Variants in PARD3 observed in about 807,000 individuals in gnomAD.
PARD3 encodes the protein par-3 family cell polarity regulator, also known as partitioning defective 3 homolog.
A neutral mutation model predicts 155.4 loss-of-function variants in PARD3; 75 were observed. That is an observed-to-expected ratio of 0.48 (90% CI 0.40 to 0.58). The LOEUF (loss-of-function observed/expected upper bound fraction) is 0.58, where lower values mean the gene tolerates loss of function less well. Ranked by LOEUF, PARD3 falls within the 20% of genes least tolerant of loss-of-function variation. PARD3 has a pLI of 0.00. For missense variants in PARD3, 1,642 were observed against 1,721.7 expected (o/e 0.95, Z 0.82); for synonymous variants, 576 against 610.5 (o/e 0.94, Z 0.83).
intron 3 of PARD3, among the ~76,000 whole-genome samples, chr10:34,480,189 C>A (rs769302577): frequency 6.6e-6 from 1 of 152,202 alleles, no homozygotes; most frequent in Admixed American, 6.5e-5. Context: ...CCAGCTCAGA[C>A]GTACTAGTAA....
At chr10:34,736,296 C>T (rs2094912681) in intron 1 of PARD3, among the ~76,000 whole-genome samples, 1 of 149,034 alleles carries the variant, frequency 6.7e-6, no homozygotes, top group South Asian at 2.2e-4. Flanking sequence ...TCCCAAAGTG[C>T]TGGGATTATA....
rs185047142 is a variant in PARD3 at position 34,109,836 on chromosome 10, T to C, written c.*1333A>G. The C allele has an allele frequency of 1.3e-5, 2 of 152,150 alleles. No homozygotes were observed. The highest frequency in any genetic ancestry group is 1.3e-4 in the Admixed American group (2 of 15,302). The allele number at this position is 152,150 out of a possible 1,614,324, so 9.4% of individuals were successfully genotyped here. The stretch of plus-strand genomic sequence containing the variant: ...AATAAAAAAAAAATAGACATATCCA[T>C]ACATGTCTTTTTTTCTGTTTTTAAA... On this transcript the variant is annotated 3_prime_UTR_variant, in exon 25 of 25. Coordinates refer to ENST00000374788, the MANE Select transcript of PARD3 (RefSeq NM_001184785.2).
chr10:34,701,794 T>C (rs2094284650), intron 1 of PARD3, among the ~76,000 whole-genome samples: 1 of 152,014 alleles, frequency 6.6e-6, no homozygotes, highest in Non-Finnish European at 1.5e-5. Flanking sequence ...TCCAGCTACT[T>C]GGGAGGCTAA....
chr10:34,680,422 T>C (rs1309653157), intron 2 of PARD3, among the ~76,000 whole-genome samples: 1 of 151,964 alleles, frequency 6.6e-6, no homozygotes, highest in Non-Finnish European at 1.5e-5. Context: ...TAGCCAGGTA[T>C]GGTGGTGGGA....
At chr10:34,515,953 A>C (rs2081714849) in intron 3 of PARD3, among the ~76,000 whole-genome samples, 1 of 145,280 alleles carries the variant, frequency 6.9e-6, no homozygotes, top group Non-Finnish European at 1.5e-5. Flanking sequence ...AAATAGATGT[A>C]CCTAAAAAAT....
intron 2 of PARD3, among the ~76,000 whole-genome samples, chr10:34,557,428 G>A (rs1026400120): frequency 6.6e-6 from 1 of 152,060 alleles, no homozygotes; most frequent in Non-Finnish European, 1.5e-5. Context: ...CTTGAGCCCA[G>A]CAGTCTGAGA....
At chr10:34,285,895 AACTG>A (rs1431172098) in intron 20 of PARD3, among the ~76,000 whole-genome samples, 84 of 152,304 alleles carry the variant, frequency 5.5e-4, no homozygotes, top group African/African-American at 1.8e-3. Context: ...AGTAATCAAA[AACTG>A]ACTGTAAATT....
intron 5 of PARD3, among the ~76,000 whole-genome samples, chr10:34,427,789 A>G (rs1346601593): frequency 6.6e-6 from 1 of 152,062 alleles, no homozygotes; most frequent in East Asian, 1.9e-4. Flanking sequence ...TATTTCTCAG[A>G]CTGGCTGACA....
chr10:34,373,245 G>A (rs534049996), intron 11 of PARD3, among the ~76,000 whole-genome samples: 9 of 151,554 alleles, frequency 5.9e-5, no homozygotes, highest in African/African-American at 1.5e-4. Context: ...ATAGACTGAC[G>A]GCCTACTGGC....
intron 3 of PARD3, among the ~76,000 whole-genome samples, chr10:34,514,059 A>C (rs1178409417): frequency 1.3e-5 from 2 of 152,218 alleles, no homozygotes; most frequent in Admixed American, 1.3e-4. Context: ...CCTCAAGATG[A>C]GAATTCCATC....
chr10:34,263,212 T>C (rs944686488), intron 22 of PARD3, among the ~76,000 whole-genome samples: 1 of 152,220 alleles, frequency 6.6e-6, no homozygotes. Flanking sequence ...AGCAAACAAA[T>C]AGTGCTTACT....
At chr10:34,139,383 C>G (rs77600539) in intron 22 of PARD3, among the ~76,000 whole-genome samples, 1,548 of 152,272 alleles carry the variant, frequency 0.01, 24 homozygotes, top group African/African-American at 0.035. Context: ...AATGGAAGAA[C>G]TCAAGATCCA....
intron 3 of PARD3, among the ~76,000 whole-genome samples, chr10:34,496,975 C>T (rs563575462): frequency 6.6e-6 from 1 of 152,014 alleles, no homozygotes; most frequent in Non-Finnish European, 1.5e-5. Context: ...CAAAATAATC[C>T]TGTTTGGATG....
At chr10:34,486,604 G>T (rs1436655720) in intron 3 of PARD3, among the ~76,000 whole-genome samples, 1 of 152,190 alleles carries the variant, frequency 6.6e-6, no homozygotes, top group Non-Finnish European at 1.5e-5. Flanking sequence ...AGCAAACAAG[G>T]TAGCTTTGGA....
intron 5 of PARD3, among the ~76,000 whole-genome samples, chr10:34,443,475 T>C (rs1021784941): frequency 1.3e-5 from 2 of 152,272 alleles, no homozygotes; most frequent in South Asian, 2.1e-4. Flanking sequence ...TACAGTTCCA[T>C]GCGGCTAGGG....
chr10:34,149,547 A>G (rs544851787), intron 22 of PARD3, among the ~76,000 whole-genome samples: 3 of 152,288 alleles, frequency 2.0e-5, no homozygotes, highest in East Asian at 3.9e-4. Flanking sequence ...GATTTGTTAT[A>G]TAATTTTTCT....
intron 5 of PARD3, among the ~76,000 whole-genome samples, chr10:34,438,941 A>T (rs895506238): frequency 1.3e-5 from 2 of 152,022 alleles, no homozygotes. Flanking sequence ...ACAATGAGAC[A>T]GGGGTTTGCC....
rs1837610813 is a variant in PARD3 at position 34,348,055 on chromosome 10, T to C, written c.2128A>G (p.Arg710Gly). The C allele has an allele frequency of 6.2e-7, 1 of 1,613,342 alleles. No homozygotes were observed. The highest frequency in any genetic ancestry group is 8.5e-7 in the Non-Finnish European group (1 of 1,179,674). ...AGGGAATGGGAAATTCTTCGTTCTCTATCATCCAACGCTGTTTCAATGGGC... is the reference window on the plus strand; with the variant it reads ...AGGGAATGGGAAATTCTTCGTTCTCCATCATCCAACGCTGTTTCAATGGGC... ...ELPIETALDD[R>G]ERRISHSLYS... is the part of the protein sequence containing the mutation. Residue 710 changes from arginine (R) to glycine (G), a missense_variant, in exon 15 of 25, where the codon AGA (arginine) becomes GGA (glycine). Transcript: ENST00000374788.
At chr10:34,413,867 A>C (rs2132333916) in intron 5 of PARD3, among the ~76,000 whole-genome samples, 1 of 152,364 alleles carries the variant, frequency 6.6e-6, no homozygotes, top group Admixed American at 6.5e-5. Context: ...TTAAACCATG[A>C]GAAAACTTGT....
Sources: gnomAD v4.1 joint callset for allele counts (sites outside exome capture counted in the v4.1 genomes callset) on GRCh38, gnomAD v4.1.1 for gene constraint, MANE v1.5 for transcripts, NCBI Gene and HGNC (gene_info 2026-07-23, HGNC 2026-07-21) for gene names.